GRM7: variants seen among roughly 807,000 people sequenced by gnomAD.
GRM7 encodes glutamate metabotropic receptor 7.
In GRM7, 35 loss-of-function variants were observed where a neutral mutation model predicts 84.5. That is an observed-to-expected ratio of 0.41 (90% confidence interval 0.32 to 0.55). The LOEUF is 0.55. GRM7 is among the 20% of genes least tolerant of loss of function. The probability of loss-of-function intolerance (pLI) is 0.19; values close to 1 mark genes in which losing one functional copy is unlikely to be tolerated. For missense variants in GRM7, 1,003 were observed against 1,194.6 expected (o/e 0.84, Z 2.36); for synonymous variants, 487 against 455.1 (o/e 1.07, Z -0.89).
chr3:7,715,947 G>A (rs1039340655), intron 9 of GRM7, among the ~76,000 whole-genome samples: 6 of 152,074 alleles, frequency 3.9e-5, no homozygotes, highest in African/African-American at 1.2e-4. Context: ...CAGGGATTCA[G>A]CAGCCCTTCC....
At chr3:6,886,095 TTG>T (rs34466069) in intron 1 of GRM7, among the ~76,000 whole-genome samples, 4 of 150,906 alleles carry the variant, frequency 2.7e-5, no homozygotes, top group Non-Finnish European at 5.9e-5. Flanking sequence ...ATAGTTACCA[TTG>T]TGTGTGTGTG....
chr3:7,345,472 C>T (rs148679005), intron 4 of GRM7, among the ~76,000 whole-genome samples: 181 of 151,814 alleles, frequency 1.2e-3, no homozygotes, highest in African/African-American at 3.9e-3. Flanking sequence ...TTAGTAACGA[C>T]GGGGTTTCAT....
chr3:6,938,839 A>G (rs1328966495), intron 1 of GRM7, among the ~76,000 whole-genome samples: 1 of 152,196 alleles, frequency 6.6e-6, no homozygotes, highest in Non-Finnish European at 1.5e-5. Context: ...TGTCTTATCA[A>G]CAAGGGAAGG....
intron 7 of GRM7, among the ~76,000 whole-genome samples, chr3:7,505,348 C>T (rs1202450032): frequency 6.6e-6 from 1 of 152,220 alleles, no homozygotes; most frequent in African/African-American, 2.4e-5. Context: ...CTCTACAATT[C>T]TTGAGTCTTG....
At chr3:7,495,179 A>AT (rs1221622959) in intron 7 of GRM7, among the ~76,000 whole-genome samples, 1 of 151,948 alleles carries the variant, frequency 6.6e-6, no homozygotes, top group African/African-American at 2.4e-5. Context: ...TTGCAGAGCT[A>AT]TTTTTGCTAG....
At chr3:7,518,529 T>C (rs1369525928) in intron 7 of GRM7, among the ~76,000 whole-genome samples, 2 of 152,234 alleles carry the variant, frequency 1.3e-5, no homozygotes. Flanking sequence ...TTTACCTTGC[T>C]CCTGACATTA....
intron 5 of GRM7, among the ~76,000 whole-genome samples, chr3:7,446,758 C>A (rs1389139770): frequency 6.6e-6 from 1 of 152,038 alleles, no homozygotes; most frequent in African/African-American, 2.4e-5. Flanking sequence ...CCTTGCCCGG[C>A]CAGGATTTTT....
intron 9 of GRM7, among the ~76,000 whole-genome samples, chr3:7,708,765 G>T (rs1031731112): frequency 7.2e-5 from 11 of 152,024 alleles, no homozygotes; most frequent in African/African-American, 2.4e-4. Flanking sequence ...CCAGCAGCCG[G>T]GTAGGATCCC....
intron 7 of GRM7, among the ~76,000 whole-genome samples, chr3:7,493,047 TTTTA>T (rs2124953148): frequency 6.6e-6 from 1 of 152,254 alleles, no homozygotes; most frequent in African/African-American, 2.4e-5. Context: ...CTCTGCATGA[TTTTA>T]TTTCTTTTAA....
chr3:7,667,281 AGAG>A (rs1260707321), intron 8 of GRM7, among the ~76,000 whole-genome samples: 37 of 130,578 alleles, frequency 2.8e-4, no homozygotes, highest in African/African-American at 5.9e-4. Flanking sequence ...AAAAAAAAAA[AGAG>A]AGAGAGAGAG....
chr3:7,344,892 T>C (rs1039255753), intron 4 of GRM7, among the ~76,000 whole-genome samples: 4 of 152,156 alleles, frequency 2.6e-5, no homozygotes, highest in African/African-American at 7.2e-5. Flanking sequence ...ATTCATTGTA[T>C]ATTTTCAAAA....
chr3:7,228,143 A>C (rs6765347), intron 2 of GRM7, among the ~76,000 whole-genome samples: 123,007 of 152,060 alleles, frequency 0.81, 50,276 homozygotes, highest in East Asian at 0.98. Flanking sequence ...CCCCACCTTC[A>C]GACCTGTGGG....
intron 1 of GRM7, among the ~76,000 whole-genome samples, chr3:6,983,039 C>T (rs73023810): frequency 0.035 from 5,255 of 152,168 alleles, 141 homozygotes; most frequent in African/African-American, 0.072. Context: ...AAAAAATATG[C>T]AGTAGGCGAA....
chr3:7,599,694 G>GAAAGACAGATAAGATTAACTGACAA (rs1696225378), intron 8 of GRM7, among the ~76,000 whole-genome samples: 1 of 152,160 alleles, frequency 6.6e-6, no homozygotes, highest in Non-Finnish European at 1.5e-5. Flanking sequence ...GGGATTGTCA[G>GAAAGACAGATAAGATTAACTGACAA]AAAGACAGAT....
intron 8 of GRM7, among the ~76,000 whole-genome samples, chr3:7,644,646 ATG>A (rs1286107284): frequency 1.3e-5 from 2 of 152,122 alleles, no homozygotes; most frequent in Non-Finnish European, 2.9e-5. Context: ...AGTCCTGGGA[ATG>A]TTAGCTGGGG....
At chr3:7,099,251 C>CATGTACTATACATGTATAT (rs1698968754) in intron 1 of GRM7, among the ~76,000 whole-genome samples, 1 of 134,304 alleles carries the variant, frequency 7.4e-6, no homozygotes, top group African/African-American at 3.4e-5. Flanking sequence ...TATATGAATA[C>CATGTACTATACATGTATAT]ATGTATTATA....
At chr3:7,034,911 G>T (rs1341177950) in intron 1 of GRM7, among the ~76,000 whole-genome samples, 3 of 152,200 alleles carry the variant, frequency 2.0e-5, no homozygotes, top group Non-Finnish European at 4.4e-5. Flanking sequence ...TTCAGAAAGG[G>T]TCAGACCCTG....
chr3:7,098,417 G>C lies in GRM7; in HGVS notation c.520-48035G>C, dbSNP rs999545070. 5.3e-5 allele frequency among the ~76,000 whole-genome samples: 8 copies of C among 151,984 alleles called. No individual in the cohort carries two copies. In the South Asian group the frequency reaches 1.7e-3, roughly 32 times the overall value. On this transcript the variant is annotated intron_variant, in intron 1 of 9. Coordinates refer to ENST00000357716, the MANE Select transcript of GRM7 (RefSeq NM_000844.4). ...TCCATGGATAAACTAGTGACTCATA[G>C]GGTCACTTTGGAGTTATCAAACAAA...
rs1508721 is a variant in GRM7, at chr3:7,342,889, G to A, written c.1033+36237G>A. On this transcript the variant is annotated intron_variant, in intron 4 of 9. Transcript: ENST00000357716. Reference sequence around the variant, plus strand: ...CTTTGGACAAGTTATTGAACTTTTGGGGGACTGCAATCTCTCATCTGTAAA... The same window carrying A: ...CTTTGGACAAGTTATTGAACTTTTGAGGGACTGCAATCTCTCATCTGTAAA... Among the ~76,000 whole-genome samples the A allele has an allele frequency of 2.3e-3, 354 of 152,170 alleles. 1 individual carries two copies. The highest frequency in any genetic ancestry group is 8.0e-3 in the African/African-American group (331 of 41,514).
Sources: allele counts gnomAD v4.1 joint callset (sites outside exome capture counted in the v4.1 genomes callset), GRCh38; gene constraint gnomAD v4.1.1; transcripts MANE v1.5; gene names NCBI Gene and HGNC (gene_info 2026-07-23, HGNC 2026-07-21).